RNF217: variants seen among roughly 807,000 people sequenced by gnomAD.
RNF217 encodes the protein E3 ubiquitin-protein ligase RNF217.
A neutral mutation model predicts 57.8 loss-of-function variants in RNF217; 31 were observed. The observed-to-expected ratio is 0.54, with a 90% CI of 0.40 to 0.72. RNF217 has a LOEUF of 0.72. Among genes scored for constraint, RNF217 ranks in the 30% least tolerant of loss-of-function variants. The pLI is 0.00. For synonymous variants in RNF217, 313 were observed against 294.0 expected (o/e 1.06, Z -0.66); for missense variants, 696 against 708.3 (o/e 0.98, Z 0.20).
chr6:125,018,005 A>G lies in RNF217; in HGVS notation c.883-27206A>G, dbSNP rs541006780. 2.0e-5 allele frequency among the ~76,000 whole-genome samples: 3 copies of G among 152,324 alleles called. No individual in the cohort carries two copies. The East Asian group carries it at 5.8e-4, about 29-fold the overall frequency. ...CCAGTCTTCTAGTAGCACATAATCA[A>G]TTGACTTAAAGTTTTTATAAGTGTA... On this transcript the variant is annotated intron_variant, in intron 1 of 5. Coordinates refer to ENST00000521654, the MANE Select transcript of RNF217 (RefSeq NM_001286398.3).
intron 2 of RNF217, chr6:125,048,221 T>C (rs767518679): frequency 2.2e-6 from 3 of 1,356,666 alleles, no homozygotes; most frequent in South Asian, 2.3e-5. Flanking sequence ...TATGGCACCC[T>C]GTACTGAGAC....
intron 1 of RNF217, among the ~76,000 whole-genome samples, chr6:124,971,831 T>A (rs1327440752): frequency 1.3e-5 from 2 of 152,240 alleles, no homozygotes; most frequent in East Asian, 3.8e-4. Context: ...TTGTCAGAAC[T>A]TTCTTGTATT....
At chr6:124,991,395 C>T (rs977258307) in intron 1 of RNF217, among the ~76,000 whole-genome samples, 5 of 152,206 alleles carry the variant, frequency 3.3e-5, no homozygotes, top group African/African-American at 2.4e-5. Context: ...CTCCTAGTGG[C>T]CTTCTTTTAG....
chr6:124,986,204 C>A (rs1784359007), intron 1 of RNF217, among the ~76,000 whole-genome samples: 1 of 152,188 alleles, frequency 6.6e-6, no homozygotes, highest in Non-Finnish European at 1.5e-5. Context: ...TGGCATTAGT[C>A]TTGATTTGTA....
chr6:125,054,756 A>G (rs1787461529), intron 2 of RNF217, among the ~76,000 whole-genome samples: 1 of 152,170 alleles, frequency 6.6e-6, no homozygotes, highest in Non-Finnish European at 1.5e-5. Context: ...TAGGATGCAT[A>G]CAAATCACCT....
intron 1 of RNF217, among the ~76,000 whole-genome samples, chr6:124,973,057 A>G (rs1017561346): frequency 1.3e-5 from 2 of 152,240 alleles, no homozygotes; most frequent in African/African-American, 4.8e-5. Flanking sequence ...TTAATACAGT[A>G]GGAGCTAATA....
chr6:125,046,761 G>T (rs1291543569), intron 2 of RNF217: 1 of 444,264 alleles, frequency 2.3e-6, no homozygotes, highest in Non-Finnish European at 4.5e-6. Context: ...TTCCTCTGCT[G>T]TTGCAGTTAT....
chr6:125,063,245 G>T (rs538918748), intron 3 of RNF217, among the ~76,000 whole-genome samples: 2 of 152,242 alleles, frequency 1.3e-5, no homozygotes, highest in South Asian at 4.1e-4. Flanking sequence ...AAAGTGAGAT[G>T]CATGCTAAAA....
rs1319643042 is a variant in RNF217, at chr6:125,086,953, C to T, written c.*4016C>T. ...TATGACCAACTGTTCTCCTAAAATACCTATGAACCACTGTAATCATTTCCA... is the reference window on the plus strand; with the variant it reads ...TATGACCAACTGTTCTCCTAAAATATCTATGAACCACTGTAATCATTTCCA... On this transcript the variant is annotated 3_prime_UTR_variant, in exon 6 of 6. Coordinates refer to ENST00000521654, the MANE Select transcript of RNF217 (RefSeq NM_001286398.3). The T allele has an allele frequency of 6.6e-6, 1 of 152,082 alleles. No individual in the cohort carries two copies. Among genetic ancestry groups the T allele is most frequent in the African/African-American group, 2.4e-5 (1 of 41,422 alleles). The allele number at this position is 152,082 out of a possible 1,614,324, so 9.4% of individuals were successfully genotyped here.
intron 1 of RNF217, among the ~76,000 whole-genome samples, chr6:124,968,372 C>T (rs1351253468): frequency 6.6e-6 from 1 of 151,972 alleles, no homozygotes; most frequent in African/African-American, 2.4e-5. Flanking sequence ...TCTGGGGGTG[C>T]AGTAACATTT....
chr6:125,009,657 T>G (rs746564090), intron 1 of RNF217, among the ~76,000 whole-genome samples: 11 of 152,122 alleles, frequency 7.2e-5, no homozygotes, highest in Non-Finnish European at 1.3e-4. Context: ...CTTTCTATTT[T>G]TTTTAACCTC....
At chr6:125,021,172 G>A (rs1206377387) in intron 1 of RNF217, among the ~76,000 whole-genome samples, 1 of 152,118 alleles carries the variant, frequency 6.6e-6, no homozygotes, top group African/African-American at 2.4e-5. Flanking sequence ...GTTGGAGACA[G>A]CCTCCATGTG....
chr6:125,062,791 A>G (rs556577917), intron 3 of RNF217, among the ~76,000 whole-genome samples: 2 of 152,154 alleles, frequency 1.3e-5, no homozygotes, highest in African/African-American at 4.8e-5. Context: ...TGACCAGCTT[A>G]TCTCGAACTC....
chr6:125,048,921 A>T (rs903939358), intron 2 of RNF217, among the ~76,000 whole-genome samples: 1 of 152,020 alleles, frequency 6.6e-6, no homozygotes, highest in African/African-American at 2.4e-5. Flanking sequence ...AAATAGAACA[A>T]GTGCATTCGT....
intron 1 of RNF217, among the ~76,000 whole-genome samples, chr6:125,000,992 A>C (rs530695868): frequency 6.6e-6 from 1 of 152,300 alleles, no homozygotes; most frequent in South Asian, 2.1e-4. Flanking sequence ...AAACATTCTA[A>C]AATGACCTTG....
chr6:125,040,160 T>C (rs1786817859), intron 1 of RNF217, among the ~76,000 whole-genome samples: 1 of 152,096 alleles, frequency 6.6e-6, no homozygotes, highest in African/African-American at 2.4e-5. Flanking sequence ...AGGAGCTGTG[T>C]TTTTGAAAAA....
At chr6:125,053,205 T>C (rs1458949201) in intron 2 of RNF217, among the ~76,000 whole-genome samples, 1 of 152,148 alleles carries the variant, frequency 6.6e-6, no homozygotes, top group Non-Finnish European at 1.5e-5. Context: ...TTGTCCCAGC[T>C]TCTATTCTGG....
chr6:125,077,177 G>T (rs1788409022), intron 4 of RNF217, among the ~76,000 whole-genome samples: 1 of 152,006 alleles, frequency 6.6e-6, no homozygotes, highest in South Asian at 2.1e-4. Flanking sequence ...GTATATTTTT[G>T]TAATGGACAA....
Position 124,962,656 on chromosome 6 carries a change from GC to G in RNF217, c.115del (p.Arg39GlyfsTer157). On this transcript the variant is annotated frameshift_variant, in exon 1 of 6. Coordinates refer to ENST00000521654, the MANE Select transcript of RNF217 (RefSeq NM_001286398.3). LOFTEE classifies it high-confidence loss of function. The surrounding 1 kb of genome is among the most constrained non-coding windows in gnomAD (Gnocchi z 4.6). ...PEPPRPQGDS[A>X]RAPPLRAASA... is the part of the protein sequence containing the mutation. Reference sequence around the variant, plus strand: ...GCCCCCGAGGCCTCAGGGGGACAGCGCCCGGGCGCCCCCGCTGCGCGCCGCC... The same window carrying G: ...GCCCCCGAGGCCTCAGGGGGACAGCGCCGGGCGCCCCCGCTGCGCGCCGCC... 1 of 1,332,912 alleles carries G rather than the reference GC, an allele frequency of 7.5e-7. No homozygotes were observed. Among genetic ancestry groups the G allele is most frequent in the Non-Finnish European group, 9.5e-7 (1 of 1,052,806 alleles). 82.6% of individuals were successfully genotyped at this position (1,332,912 alleles called of 1,614,324 possible).
Sources: gnomAD v4.1 joint callset for allele counts (sites outside exome capture counted in the v4.1 genomes callset) on GRCh38, gnomAD v4.1.1 for gene constraint, Gnocchi (gnomAD v3.1) non-coding constraint, MANE v1.5 for transcripts, NCBI Gene and HGNC (gene_info 2026-07-23, HGNC 2026-07-21) for gene names.